TMEM233: variants seen among roughly 807,000 people sequenced by gnomAD.
The protein encoded by TMEM233 is transmembrane protein 233, also known as dispanin subfamily B member 2.
A neutral mutation model predicts 11.2 loss-of-function variants in TMEM233; 6 were observed. The observed-to-expected ratio is 0.54, with a 90% CI of 0.29 to 1.06. TMEM233 has a LOEUF of 1.06. Among genes scored for constraint, TMEM233 ranks in the 50% least tolerant of loss-of-function variants. TMEM233 has a pLI of 0.08. For synonymous variants in TMEM233, 59 were observed against 55.8 expected (o/e 1.06, Z -0.26); for missense variants, 127 against 144.7 (o/e 0.88, Z 0.63).
intron 1 of TMEM233, among the ~76,000 whole-genome samples, chr12:119,612,283 G>C (rs973557651): frequency 1.3e-5 from 2 of 151,906 alleles, no homozygotes; most frequent in Non-Finnish European, 2.9e-5. Context: ...GTGAGCCACT[G>C]CGCCCAGCCC....
intron 1 of TMEM233, among the ~76,000 whole-genome samples, chr12:119,605,399 T>C (rs1954254565): frequency 6.9e-6 from 1 of 143,906 alleles, no homozygotes; most frequent in Non-Finnish European, 1.5e-5. Context: ...ATCAGACAGC[T>C]ATGCCTTTCC....
intron 1 of TMEM233, among the ~76,000 whole-genome samples, chr12:119,605,329 T>A (rs1224874976): frequency 1.3e-5 from 2 of 151,266 alleles, no homozygotes; most frequent in East Asian, 3.9e-4. Flanking sequence ...GGCTCAGAAA[T>A]GTGGTAAGCC....
chr12:119,632,853 C>T (rs1954912325), intron 2 of TMEM233, among the ~76,000 whole-genome samples: 1 of 152,210 alleles, frequency 6.6e-6, no homozygotes, highest in African/African-American at 2.4e-5. Context: ...AGCCTAGACA[C>T]TATCTACTTT....
At chr12:119,648,002 C>G (rs1378792969), downstream of TMEM233, among the ~76,000 whole-genome samples, 1 of 152,188 alleles carries the variant, frequency 6.6e-6, no homozygotes, top group African/African-American at 2.4e-5. Context: ...TGGCCCCAAA[C>G]ATGACAAGAT....
At chr12:119,634,363 T>A in intron 2 of TMEM233, 1 of 720,342 alleles carries the variant, frequency 1.4e-6, no homozygotes, top group Non-Finnish European at 1.7e-6. Flanking sequence ...TGTAATCCAA[T>A]ACCTTGGGCT....
chr12:119,619,317 G>A (rs375801270), intron 1 of TMEM233, among the ~76,000 whole-genome samples: 1 of 152,026 alleles, frequency 6.6e-6, no homozygotes, highest in Non-Finnish European at 1.5e-5. Context: ...GAATACAATG[G>A]GACAAAATTC....
intron 1 of TMEM233, among the ~76,000 whole-genome samples, chr12:119,621,931 T>C (rs1954652224): frequency 6.6e-6 from 1 of 152,246 alleles, no homozygotes; most frequent in Non-Finnish European, 1.5e-5. Flanking sequence ...TTTATATTAA[T>C]CTGTTCCTGG....
intron 1 of TMEM233, among the ~76,000 whole-genome samples, chr12:119,603,880 C>T (rs1414204772): frequency 6.6e-6 from 1 of 152,184 alleles, no homozygotes; most frequent in Non-Finnish European, 1.5e-5. Context: ...GGTTTGCTTC[C>T]CTTCCCCAAC....
chr12:119,618,151 T>G (rs535454216), intron 1 of TMEM233, among the ~76,000 whole-genome samples: 1 of 152,340 alleles, frequency 6.6e-6, no homozygotes, highest in South Asian at 2.1e-4. Flanking sequence ...GTCCCAAGTC[T>G]TGGCAGCTTC....
At chr12:119,607,974 GTTAAC>G (rs1407444797) in intron 1 of TMEM233, among the ~76,000 whole-genome samples, 12 of 152,144 alleles carry the variant, frequency 7.9e-5, no homozygotes, top group African/African-American at 2.7e-4. Flanking sequence ...CAGCTCTCTA[GTTAAC>G]TTAAGAAAAA....
intron 2 of TMEM233, among the ~76,000 whole-genome samples, chr12:119,633,428 T>A (rs1023009246): frequency 6.0e-5 from 9 of 150,434 alleles, no homozygotes; most frequent in East Asian, 5.9e-4. Flanking sequence ...AAAAAAAAAA[T>A]TTTTTTTAAT....
intron 1 of TMEM233, among the ~76,000 whole-genome samples, chr12:119,622,658 C>T (rs1455758919): frequency 6.6e-6 from 1 of 152,074 alleles, no homozygotes; most frequent in African/African-American, 2.4e-5. Flanking sequence ...GTTCTCTACC[C>T]TTAAGCCCGA....
At chr12:119,613,213 CAAAA>C (rs3077328) in intron 1 of TMEM233, among the ~76,000 whole-genome samples, 1 of 122,304 alleles carries the variant, frequency 8.2e-6, no homozygotes. Flanking sequence ...AAGCCTGTTC[CAAAA>C]AAAAAAAAAA....
At chr12:119,640,358 A>G (rs1206538092) in intron 2 of TMEM233, among the ~76,000 whole-genome samples, 1 of 151,934 alleles carries the variant, frequency 6.6e-6, no homozygotes, top group East Asian at 1.9e-4. Flanking sequence ...CAGTTTCACC[A>G]TGTTAGCCAG....
intron 1 of TMEM233, among the ~76,000 whole-genome samples, chr12:119,602,410 G>A (rs551764157): frequency 6.6e-6 from 1 of 152,316 alleles, no homozygotes; most frequent in African/African-American, 2.4e-5. Flanking sequence ...AGCTGAGATT[G>A]TCACCTGAGA....
chr12:119,596,358 T>C (rs1258345045), intron 1 of TMEM233, among the ~76,000 whole-genome samples: 1 of 152,218 alleles, frequency 6.6e-6, no homozygotes, highest in African/African-American at 2.4e-5. Context: ...GGTCAGATAT[T>C]AATGATGCTG....
chr12:119,622,264 G>A lies in TMEM233; in HGVS notation c.187-7472G>A, dbSNP rs542938861. ...AATCTAGAATCAGATGCACCAAACTGCTAATAAGGGTTATCTCTGAGAAGT... is the reference window on the plus strand; with the variant it reads ...AATCTAGAATCAGATGCACCAAACTACTAATAAGGGTTATCTCTGAGAAGT... On this transcript the variant is annotated intron_variant, in intron 1 of 2. Transcript: ENST00000426426. 9.9e-4 allele frequency among the ~76,000 whole-genome samples: 150 copies of A among 152,242 alleles called. 2 individuals carry two copies. In the Middle Eastern group the frequency reaches 0.01, roughly 10 times the overall value.
intron 1 of TMEM233, among the ~76,000 whole-genome samples, chr12:119,602,164 G>A (rs902881973): frequency 5.3e-5 from 8 of 152,116 alleles, no homozygotes; most frequent in Admixed American, 2.0e-4. Flanking sequence ...CATCTGACCC[G>A]AGCTCCACCA....
intron 1 of TMEM233, among the ~76,000 whole-genome samples, chr12:119,620,344 G>A (rs947839697): frequency 6.6e-6 from 1 of 152,180 alleles, no homozygotes; most frequent in Non-Finnish European, 1.5e-5. Flanking sequence ...CCTTTCTGCA[G>A]GGCAATTTGG....
Sources: allele counts gnomAD v4.1 joint callset (sites outside exome capture counted in the v4.1 genomes callset), GRCh38; gene constraint gnomAD v4.1.1; transcripts MANE v1.5; gene names NCBI Gene and HGNC (gene_info 2026-07-23, HGNC 2026-07-21).